ESRRB: variants seen among roughly 807,000 people sequenced by gnomAD.
ESRRB encodes the protein estrogen related receptor beta.
Under a neutral mutation model 46.0 loss-of-function variants are expected in ESRRB, and 16 were observed. The observed-to-expected ratio is 0.35, with a 90% CI of 0.24 to 0.53. ESRRB has a LOEUF of 0.53. Ranked by LOEUF, ESRRB falls within the 20% of genes least tolerant of loss-of-function variation. The pLI, the probability that ESRRB is intolerant of heterozygous loss-of-function variation, is 0.93. For synonymous variants in ESRRB, 246 were observed against 259.6 expected, an observed-to-expected ratio of 0.95 and a Z score of 0.50; for missense variants, 488 against 607.4, an observed-to-expected ratio of 0.80 and a Z score of 2.07.
chr14:76,370,333 G>T (rs1340904035), upstream of ESRRB, among the ~76,000 whole-genome samples: 1 of 152,000 alleles, frequency 6.6e-6, no homozygotes, highest in African/African-American at 2.4e-5. Flanking sequence ...GGGAGACGGA[G>T]GTTGCAGTGA....
At chr14:76,344,869 T>C (rs1884231723) in intron 1 of ESRRB, among the ~76,000 whole-genome samples, 1 of 151,310 alleles carries the variant, frequency 6.6e-6, no homozygotes, top group Non-Finnish European at 1.5e-5. Context: ...AAAAGAATAA[T>C]AGTGTCCAAT....
chr14:76,482,503 A>T lies in ESRRB; in HGVS notation c.689-95A>T. 1 of 1,357,548 alleles carries T rather than the reference A, an allele frequency of 7.4e-7. No homozygotes were observed. The highest frequency in any genetic ancestry group is 1.0e-6 in the Non-Finnish European group (1 of 955,100). 84.1% of individuals were successfully genotyped at this position (1,357,548 alleles called of 1,614,324 possible). A position where few individuals can be genotyped will look rare whatever the true frequency, so the allele number is the denominator to read the frequency against. Reference sequence around the variant, plus strand: ...CCGCTTTGACCTTCCTGGAGCTCTTAGGAACCCAACTTTGCTTCCTGACCC... The same window carrying T: ...CCGCTTTGACCTTCCTGGAGCTCTTTGGAACCCAACTTTGCTTCCTGACCC... On this transcript the variant is annotated intron_variant, in intron 4 of 6. Coordinates refer to ENST00000644823, the MANE Select transcript of ESRRB (RefSeq NM_001379180.1). The surrounding 1 kb of genome is among the most constrained non-coding windows in gnomAD (Gnocchi z 4.3).
intron 1 of ESRRB, among the ~76,000 whole-genome samples, chr14:76,332,531 T>TA (rs1176671483): frequency 2.1e-5 from 2 of 93,474 alleles, no homozygotes; most frequent in Admixed American, 3.9e-4. Context: ...TATAAATATA[T>TA]ACAATATAAT....
intron 1 of ESRRB, among the ~76,000 whole-genome samples, chr14:76,320,620 A>G (rs1053159343): frequency 7.9e-5 from 12 of 152,138 alleles, no homozygotes; most frequent in Admixed American, 2.0e-4. Context: ...GAAATGATAC[A>G]AAAGTAGATG....
intron 1 of ESRRB, among the ~76,000 whole-genome samples, chr14:76,399,175 G>T (rs1217653921): frequency 6.6e-6 from 1 of 152,116 alleles, no homozygotes; most frequent in Non-Finnish European, 1.5e-5. Flanking sequence ...GACGGGGGTG[G>T]CTTGCTGGCC....
At chr14:76,393,821 G>T (rs1011397824) in intron 1 of ESRRB, among the ~76,000 whole-genome samples, 2 of 152,138 alleles carry the variant, frequency 1.3e-5, no homozygotes, top group African/African-American at 2.4e-5. Flanking sequence ...TTTTTTTTGA[G>T]ACAGAGTCTC....
intron 1 of ESRRB, among the ~76,000 whole-genome samples, chr14:76,388,175 CTTTTTTTTT>C (rs35368784): frequency 2.5e-4 from 29 of 118,260 alleles, no homozygotes; most frequent in Non-Finnish European, 4.5e-4. Flanking sequence ...TTCTTTCATT[CTTTTTTTTT>C]TTTTTTTTTT....
intron 1 of ESRRB, among the ~76,000 whole-genome samples, chr14:76,416,329 T>C (rs962371835): frequency 7.9e-5 from 12 of 152,038 alleles, no homozygotes; most frequent in Admixed American, 2.6e-4. Context: ...AGATGGGTTT[T>C]TGCCATGTTG....
At chr14:76,475,866 A>G (rs1296393987) in intron 3 of ESRRB, among the ~76,000 whole-genome samples, 1 of 152,184 alleles carries the variant, frequency 6.6e-6, no homozygotes, top group East Asian at 1.9e-4. Context: ...TTTTAATTAA[A>G]CTTCTTATTT....
At chr14:76,369,107 G>A (rs953896283), upstream of ESRRB, among the ~76,000 whole-genome samples, 1 of 150,762 alleles carries the variant, frequency 6.6e-6, no homozygotes, top group African/African-American at 2.4e-5. Flanking sequence ...TGAGGCAGGA[G>A]AATCGCTTGA....
chr14:76,414,942 C>G (rs1433073035), intron 1 of ESRRB, among the ~76,000 whole-genome samples: 1 of 152,174 alleles, frequency 6.6e-6, no homozygotes, highest in Non-Finnish European at 1.5e-5. Context: ...AGTAAATGAG[C>G]CTCTGAATCC....
At chr14:76,404,739 A>G (rs1370177175) in intron 1 of ESRRB, among the ~76,000 whole-genome samples, 1 of 152,232 alleles carries the variant, frequency 6.6e-6, no homozygotes, top group Non-Finnish European at 1.5e-5. Flanking sequence ...TCTAAAAGCA[A>G]CAAAATCATT....
intron 2 of ESRRB, among the ~76,000 whole-genome samples, chr14:76,448,328 CTT>C (rs33918963): frequency 8.2e-5 from 11 of 133,460 alleles, no homozygotes; most frequent in Admixed American, 7.8e-5. Context: ...ATTTACTTAC[CTT>C]TTTTTTTTTT....
intron 1 of ESRRB, among the ~76,000 whole-genome samples, chr14:76,382,642 C>G (rs181654629): frequency 1.1e-4 from 16 of 152,240 alleles, no homozygotes; most frequent in African/African-American, 3.9e-4. Context: ...TTAATCAGCC[C>G]ATGGGATGTT....
intron 1 of ESRRB, among the ~76,000 whole-genome samples, chr14:76,358,898 T>C (rs1884430865): frequency 6.6e-6 from 1 of 152,216 alleles, no homozygotes; most frequent in East Asian, 1.9e-4. Flanking sequence ...CTCCATGACT[T>C]GAGCGCTTGT....
At chr14:76,311,595 T>C (rs1458388667) in intron 1 of ESRRB, among the ~76,000 whole-genome samples, 1 of 152,244 alleles carries the variant, frequency 6.6e-6, no homozygotes, top group Non-Finnish European at 1.5e-5. Context: ...TCATTTGGTG[T>C]ATTTTCTTAA....
In ESRRB at chr14:76,363,778, G is replaced by A. The variant is rs79443662; in HGVS notation, c.2+52862G>A. On this transcript the variant is annotated intron_variant, in intron 1 of 6. Transcript: ENST00000512784. ...TAGGTTTCCAGGCCTACTCACAAAC[G>A]CCCTTTCTTTAGTGACAGCATGCTG... 4.6e-5 allele frequency among the ~76,000 whole-genome samples: 7 copies of A among 152,250 alleles called. No individual in the cohort carries two copies. The East Asian group carries it at 5.8e-4, about 13-fold the overall frequency.
At chr14:76,457,711 GC>G (rs1888672879) in intron 2 of ESRRB, among the ~76,000 whole-genome samples, 1 of 152,110 alleles carries the variant, frequency 6.6e-6, no homozygotes, top group East Asian at 1.9e-4. Context: ...ACGGAATCTT[GC>G]TCTGTCACCC....
In ESRRB at chr14:76,500,132, C is replaced by T. The variant is rs1855734210; in HGVS notation, c.*1674C>T. The T allele has an allele frequency of 5.7e-6, 8 of 1,395,038 alleles. No individual in the cohort carries two copies. Among genetic ancestry groups the T allele is most frequent in the Non-Finnish European group, 7.8e-6 (8 of 1,019,976 alleles). The allele number at this position is 1,395,038 out of a possible 1,614,324, so 86.4% of individuals were successfully genotyped here. A position where few individuals can be genotyped will look rare whatever the true frequency, so the allele number is the denominator to read the frequency against. On this transcript the variant is annotated 3_prime_UTR_variant, in exon 7 of 7. Transcript: ENST00000644823. ...CTCCTTGGCTCTACCCCAGGAACCT[C>T]CCGGCCTGGGCTTCTGGGCTGGGAC...
Sources: gnomAD v4.1 joint callset for allele counts (sites outside exome capture counted in the v4.1 genomes callset) on GRCh38, gnomAD v4.1.1 for gene constraint, Gnocchi (gnomAD v3.1) non-coding constraint, MANE v1.5 for transcripts, NCBI Gene and HGNC (gene_info 2026-07-23, HGNC 2026-07-21) for gene names.